The following ACTL8 variants were observed in gnomAD, a reference collection of about 807,000 sequenced individuals.
ACTL8 encodes the protein actin-like protein 8.
ACTL8 carries 3 observed loss-of-function variants against 9.3 expected under a neutral mutation model. The ratio of observed to expected loss-of-function variants is 0.32; its 90% CI spans 0.15 to 0.83. ACTL8 has a LOEUF of 0.83. Among genes scored for constraint, ACTL8 ranks in the 40% least tolerant of loss-of-function variants. The pLI, the probability that ACTL8 is intolerant of heterozygous loss-of-function variation, is 0.57. For missense variants in ACTL8, 381 were observed against 492.2 expected, an observed-to-expected ratio of 0.77 and a Z score of 2.14; for synonymous variants, 224 against 205.9, an observed-to-expected ratio of 1.09 and a Z score of -0.75.
intron 1 of ACTL8, among the ~76,000 whole-genome samples, chr1:17,786,574 G>A (rs2066199338): frequency 6.6e-6 from 1 of 152,200 alleles, no homozygotes; most frequent in African/African-American, 2.4e-5. Context: ...CCTGAAGTGA[G>A]AGGAAGAATG....
intron 1 of ACTL8, among the ~76,000 whole-genome samples, chr1:17,819,120 C>G (rs1226496703): frequency 6.6e-6 from 1 of 152,204 alleles, no homozygotes; most frequent in Non-Finnish European, 1.5e-5. Context: ...ATCCCCTACC[C>G]TTGCCATGCG....
At chr1:17,809,345 C>CTA (rs2066378959) in intron 1 of ACTL8, among the ~76,000 whole-genome samples, 1 of 152,054 alleles carries the variant, frequency 6.6e-6, no homozygotes, top group African/African-American at 2.4e-5. Flanking sequence ...CTCACTCAAG[C>CTA]TAAATAAGAG....
chr1:17,773,737 A>G (rs2066098796), intron 1 of ACTL8, among the ~76,000 whole-genome samples: 1 of 152,228 alleles, frequency 6.6e-6, no homozygotes, highest in African/African-American at 2.4e-5. Context: ...GGATAATCAA[A>G]GGGTCTCTCT....
At chr1:17,796,338 A>C (rs1407611609) in intron 1 of ACTL8, among the ~76,000 whole-genome samples, 1 of 77,216 alleles carries the variant, frequency 1.3e-5, no homozygotes. Flanking sequence ...GTGTGTGTGT[A>C]GGTAAGCACT....
At chr1:17,777,219 G>A (rs1279608706) in intron 1 of ACTL8, among the ~76,000 whole-genome samples, 2 of 152,028 alleles carry the variant, frequency 1.3e-5, no homozygotes. Context: ...TCCTGGGTCA[G>A]AACTTTCAGA....
Position 17,762,308 on chromosome 1 carries a change from G to T in ACTL8, c.-25+6804G>T, listed in dbSNP as rs768962490. Reference sequence around the variant, plus strand: ...GCAGGTCCACTGACTGCTAGGCCAGGGGTCTTGTCGCTGGTCCACGCAGAA... The same window carrying T: ...GCAGGTCCACTGACTGCTAGGCCAGTGGTCTTGTCGCTGGTCCACGCAGAA... On this transcript the variant is annotated intron_variant, in intron 1 of 2. Coordinates refer to ENST00000375406, the MANE Select transcript of ACTL8 (RefSeq NM_030812.3). Among the ~76,000 whole-genome samples, 34 of 152,060 alleles carry T rather than the reference G, an allele frequency of 2.2e-4. 1 individual carries two copies. The highest frequency in any genetic ancestry group is 4.3e-4 in the Non-Finnish European group (29 of 68,024).
At chr1:17,787,758 G>A (rs983208642) in intron 1 of ACTL8, among the ~76,000 whole-genome samples, 3 of 152,040 alleles carry the variant, frequency 2.0e-5, no homozygotes, top group African/African-American at 7.2e-5. Flanking sequence ...TTTCTCTGGG[G>A]TATAATCCCA....
chr1:17,817,189 A>ATTT (rs34552700), intron 1 of ACTL8, among the ~76,000 whole-genome samples: 6 of 136,816 alleles, frequency 4.4e-5, no homozygotes, highest in African/African-American at 1.6e-4. Flanking sequence ...CCTTAATGCC[A>ATTT]TTTTTTTTTT....
chr1:17,790,353 C>T (rs952130807), intron 1 of ACTL8, among the ~76,000 whole-genome samples: 1 of 152,234 alleles, frequency 6.6e-6, no homozygotes, highest in South Asian at 2.1e-4. Flanking sequence ...TGTTACAGCT[C>T]TTTTAGCCTC....
At chr1:17,764,637 G>T (rs112582648) in intron 1 of ACTL8, among the ~76,000 whole-genome samples, 5 of 151,892 alleles carry the variant, frequency 3.3e-5, no homozygotes, top group African/African-American at 9.7e-5. Flanking sequence ...TCCTTGTGTC[G>T]CCCCCACGCT....
intron 1 of ACTL8, among the ~76,000 whole-genome samples, chr1:17,818,339 A>G (rs145423799): frequency 9.4e-4 from 142 of 151,732 alleles, no homozygotes; most frequent in African/African-American, 3.2e-3. Flanking sequence ...CACACCTTTC[A>G]CCTCCTGTAA....
chr1:17,792,920 C>G (rs1282045622), intron 1 of ACTL8, among the ~76,000 whole-genome samples: 1 of 152,162 alleles, frequency 6.6e-6, no homozygotes, highest in Non-Finnish European at 1.5e-5. Context: ...AGGACATAGG[C>G]TCTCTCTCTG....
intron 1 of ACTL8, among the ~76,000 whole-genome samples, chr1:17,763,116 G>C (rs1371853394): frequency 1.3e-5 from 2 of 152,162 alleles, no homozygotes; most frequent in African/African-American, 2.4e-5. Flanking sequence ...TGCAATGAAA[G>C]AGCCTGGCCT....
chr1:17,758,516 T>A (rs2102671586), intron 1 of ACTL8, among the ~76,000 whole-genome samples: 1 of 152,340 alleles, frequency 6.6e-6, no homozygotes, highest in South Asian at 2.1e-4. Context: ...CCGGGTCCCC[T>A]TGAGGAAGGA....
At chr1:17,825,249 T>A (rs1192165568) in intron 2 of ACTL8, among the ~76,000 whole-genome samples, 1 of 151,800 alleles carries the variant, frequency 6.6e-6, no homozygotes, top group African/African-American at 2.4e-5. Context: ...ATCTTTTCCC[T>A]TTTTTTCTTT....
chr1:17,826,737 C>G lies in ACTL8; in HGVS notation c.*218C>G. 1 of 424,998 alleles carries G rather than the reference C, an allele frequency of 2.4e-6. No homozygotes were observed. Among genetic ancestry groups the G allele is most frequent in the Non-Finnish European group, 4.0e-6 (1 of 248,590 alleles). 26.3% of individuals were successfully genotyped at this position (424,998 alleles called of 1,614,324 possible). Reference sequence around the variant, plus strand: ...AAGACAAGATGTCATCCTTGGAAACCCTGCAGGGGACAGTTTTTCCAGGGT... The same window carrying G: ...AAGACAAGATGTCATCCTTGGAAACGCTGCAGGGGACAGTTTTTCCAGGGT... On this transcript the variant is annotated 3_prime_UTR_variant, in exon 3 of 3. Transcript: ENST00000375406. The surrounding 1 kb of genome is among the most constrained non-coding windows in gnomAD (Gnocchi z 4.5).
In ACTL8 at chr1:17,820,725, G is replaced by A. The variant is rs145464134; in HGVS notation, c.-24-2260G>A. ...TGGGATTACAGGTATGTGTCACCAC[G>A]CCCAGCTAATTTTTTTTGTTTTTGT... On this transcript the variant is annotated intron_variant, in intron 1 of 2. Coordinates refer to ENST00000375406, the MANE Select transcript of ACTL8 (RefSeq NM_030812.3). Among the ~76,000 whole-genome samples, 163 of 152,098 alleles carry A rather than the reference G, an allele frequency of 1.1e-3. 3 individuals are homozygous for A. The East Asian group carries it at 0.027, about 26-fold the overall frequency.
chr1:17,761,199 C>T (rs891795419), intron 1 of ACTL8, among the ~76,000 whole-genome samples: 1 of 146,170 alleles, frequency 6.8e-6, no homozygotes, highest in African/African-American at 2.5e-5. Context: ...TGGTCTCAAA[C>T]TCCTGGGCTC....
chr1:17,783,664 G>T (rs1028381664), intron 1 of ACTL8, among the ~76,000 whole-genome samples: 3 of 152,202 alleles, frequency 2.0e-5, no homozygotes, highest in Non-Finnish European at 4.4e-5. Context: ...GGAACTGCAC[G>T]GTCGTCGGGC....
Sources: gnomAD v4.1 joint callset for allele counts (sites outside exome capture counted in the v4.1 genomes callset) on GRCh38, gnomAD v4.1.1 for gene constraint, Gnocchi (gnomAD v3.1) non-coding constraint, MANE v1.5 for transcripts, NCBI Gene and HGNC (gene_info 2026-07-23, HGNC 2026-07-21) for gene names.